The following NAV3 variants were observed in gnomAD, a reference collection of about 807,000 sequenced individuals.
NAV3 encodes the protein neuron navigator 3.
In NAV3, 87 loss-of-function variants were observed where a neutral mutation model predicts 244.7. That is an observed-to-expected ratio of 0.36 (90% CI 0.30 to 0.42). The LOEUF is 0.42. Ranked by LOEUF, NAV3 falls within the 20% of genes least tolerant of loss-of-function variation. NAV3 has a pLI of 1.00. For missense variants in NAV3, 2,663 were observed against 2,893.3 expected, an observed-to-expected ratio of 0.92 and a Z score of 1.83; for synonymous variants, 1,126 against 1,042.2, an observed-to-expected ratio of 1.08 and a Z score of -1.55.
chr12:77,706,408 T>C (rs1301895920), intron 2 of NAV3, among the ~76,000 whole-genome samples: 1 of 151,380 alleles, frequency 6.6e-6, no homozygotes, highest in African/African-American at 2.5e-5. Context: ...TAGGGATCCA[T>C]TCAATACATT....
chr12:77,904,436 T>C lies in NAV3; in HGVS notation c.244-35883T>C, dbSNP rs564729481. Among the ~76,000 whole-genome samples, 5 of 152,156 alleles carry C rather than the reference T, an allele frequency of 3.3e-5. 1 individual carries two copies. In the South Asian group the frequency reaches 1.0e-3, roughly 32 times the overall value. ...GCATGTTCTCACTCATAGTTGGGAA[T>C]TGAACAATGAGAACACATGGACACA... On this transcript the variant is annotated intron_variant, in intron 1 of 39. Transcript: ENST00000397909.
chr12:77,652,631 A>G (rs912741376), intron 2 of NAV3, among the ~76,000 whole-genome samples: 1 of 152,222 alleles, frequency 6.6e-6, no homozygotes, highest in African/African-American at 2.4e-5. Flanking sequence ...CATTGCCATT[A>G]AAGACTTAAC....
At chr12:77,654,260 G>C (rs966707308) in intron 2 of NAV3, among the ~76,000 whole-genome samples, 10 of 152,238 alleles carry the variant, frequency 6.6e-5, no homozygotes, top group African/African-American at 2.4e-4. Context: ...CAAATACTGC[G>C]CTTTTCCGAC....
At chr12:78,152,687 A>G (rs190934395) in intron 22 of NAV3, among the ~76,000 whole-genome samples, 3 of 152,138 alleles carry the variant, frequency 2.0e-5, no homozygotes, top group Admixed American at 6.6e-5. Flanking sequence ...TGTATGTAAT[A>G]TACACATATT....
intron 3 of NAV3, among the ~76,000 whole-genome samples, chr12:77,947,189 T>A (rs957828818): frequency 6.6e-6 from 1 of 152,074 alleles, no homozygotes; most frequent in Non-Finnish European, 1.5e-5. Context: ...TGATTCCATG[T>A]CCGATAGGGT....
intron 12 of NAV3, among the ~76,000 whole-genome samples, chr12:78,076,286 T>C (rs1050512033): frequency 4.6e-5 from 7 of 152,202 alleles, no homozygotes; most frequent in African/African-American, 1.7e-4. Context: ...GTATCTCTTA[T>C]TTATCCTCCA....
intron 2 of NAV3, among the ~76,000 whole-genome samples, chr12:77,633,062 T>C (rs1592523979): frequency 6.6e-6 from 1 of 152,076 alleles, no homozygotes; most frequent in African/African-American, 2.4e-5. Context: ...TCTATTAGAG[T>C]ATACTCAGTT....
rs1297832027 is a variant in NAV3, at chr12:78,118,232, G to A, written c.2975G>A (p.Gly992Asp). The A allele has an allele frequency of 2.0e-5, 32 of 1,613,570 alleles. No homozygotes were observed. The highest frequency in any genetic ancestry group is 2.6e-5 in the Non-Finnish European group (31 of 1,179,808). The change falls in exon 14 of 40, where the codon GGC becomes GAC. Residue 992 changes from glycine (G) to aspartate (D), a missense_variant. Around this residue, in one of 6 missense-constraint regions of NAV3, gnomAD observed 1,521 missense variants for 1,497.0 expected, o/e 1.02. Transcript: ENST00000397909. Reference sequence around the variant, plus strand: ...TCACAGACAGGTTCCTGGAGAAGAGGCATGTCTGCCCAAGGAGGGGCGCCA... The same window carrying A: ...TCACAGACAGGTTCCTGGAGAAGAGACATGTCTGCCCAAGGAGGGGCGCCA... Reference protein sequence around the residue: ...SVSQTGSWRRGMSAQGGAPSR... With the variant: ...SVSQTGSWRRDMSAQGGAPSR...
At chr12:77,704,662 A>T (rs1419596614) in intron 2 of NAV3, among the ~76,000 whole-genome samples, 1 of 152,192 alleles carries the variant, frequency 6.6e-6, no homozygotes, top group Non-Finnish European at 1.5e-5. Context: ...ACATTCAATC[A>T]TTGCTAAAGT....
intron 2 of NAV3, among the ~76,000 whole-genome samples, chr12:77,582,632 T>C (rs1869417458): frequency 6.6e-6 from 1 of 152,206 alleles, no homozygotes. Context: ...GGTAGGGCCA[T>C]GAGTTTTTGC....
intron 2 of NAV3, among the ~76,000 whole-genome samples, chr12:77,656,084 G>C (rs1485790340): frequency 1.3e-5 from 2 of 151,178 alleles, no homozygotes; most frequent in South Asian, 2.1e-4. Context: ...ATCATAATGA[G>C]AGGTTCAAAT....
At chr12:77,631,996 C>T (rs1001801408) in intron 2 of NAV3, among the ~76,000 whole-genome samples, 8 of 152,182 alleles carry the variant, frequency 5.3e-5, no homozygotes, top group Non-Finnish European at 1.2e-4. Context: ...AGAATATACA[C>T]GTGAACAGAG....
chr12:77,623,748 T>C (rs193097522), intron 2 of NAV3, among the ~76,000 whole-genome samples: 33 of 152,322 alleles, frequency 2.2e-4, no homozygotes, highest in Admixed American at 1.2e-3. Context: ...GCCTTATCAG[T>C]ATGATAAAGA....
At chr12:77,662,742 A>G (rs1873522489) in intron 2 of NAV3, among the ~76,000 whole-genome samples, 1 of 152,172 alleles carries the variant, frequency 6.6e-6, no homozygotes, top group Non-Finnish European at 1.5e-5. Flanking sequence ...GAGGACTAAA[A>G]TTGTAAATGT....
At chr12:77,700,112 C>G (rs559748189) in intron 2 of NAV3, among the ~76,000 whole-genome samples, 1 of 152,204 alleles carries the variant, frequency 6.6e-6, no homozygotes, top group Admixed American at 6.5e-5. Flanking sequence ...CTAATGAGAT[C>G]AAGACCTTAA....
intron 2 of NAV3, among the ~76,000 whole-genome samples, chr12:77,755,583 C>CTTTCCTTTCCTTTCCTTTCCTT (rs770337739): frequency 1.6e-4 from 4 of 25,166 alleles, no homozygotes; most frequent in African/African-American, 5.0e-4. Context: ...CTTTCCTTTC[C>CTTTCCTTTCCTTTCCTTTCCTT]TCCCTCCCTC....
intron 9 of NAV3, among the ~76,000 whole-genome samples, chr12:78,027,758 T>C (rs1878316131): frequency 6.6e-6 from 1 of 152,288 alleles, no homozygotes; most frequent in African/African-American, 2.4e-5. Context: ...GACATGCCAA[T>C]GGCAGGTTCC....
chr12:77,883,631 C>A (rs1028829184), intron 1 of NAV3, among the ~76,000 whole-genome samples: 14 of 152,048 alleles, frequency 9.2e-5, no homozygotes, highest in African/African-American at 3.4e-4. Context: ...TTTCTTCTAA[C>A]GTATTTACTA....
At chr12:77,905,846 C>A (rs1885910705) in intron 1 of NAV3, among the ~76,000 whole-genome samples, 2 of 152,112 alleles carry the variant, frequency 1.3e-5, no homozygotes, top group Admixed American at 6.6e-5. Context: ...ACAGTGGAAA[C>A]ATTTTGAGCT....
Sources: gnomAD v4.1 joint callset for allele counts (sites outside exome capture counted in the v4.1 genomes callset) on GRCh38, gnomAD v4.1.1 for gene constraint, gnomAD v4.1.1 regional missense constraint, MANE v1.5 for transcripts, NCBI Gene and HGNC (gene_info 2026-07-23, HGNC 2026-07-21) for gene names.